PCBP3: variants seen among roughly 807,000 people sequenced by gnomAD.
The protein encoded by PCBP3 is poly(rC) binding protein 3.
Under a neutral mutation model 52.7 loss-of-function variants are expected in PCBP3, and 25 were observed. That is an observed-to-expected ratio of 0.47 (90% confidence interval 0.35 to 0.66). The LOEUF (loss-of-function observed/expected upper bound fraction) is 0.66. Among genes scored for constraint, PCBP3 ranks in the 30% least tolerant of loss-of-function variants. PCBP3 has a pLI of 0.01. For synonymous variants in PCBP3, 162 were observed against 183.0 expected (o/e 0.89, Z 0.93); for missense variants, 391 against 490.3 (o/e 0.80, Z 1.91).
intron 5 of PCBP3, among the ~76,000 whole-genome samples, chr21:45,894,221 G>A (rs1009148101): frequency 5.3e-5 from 8 of 152,294 alleles, no homozygotes; most frequent in Non-Finnish European, 7.4e-5. Flanking sequence ...GCTGCAGCTC[G>A]CTGGCCTGTG....
At position 45,830,514 on chromosome 21, in the gene PCBP3, G is replaced by C. The variant is rs2147724849; in HGVS notation, c.-125-19447G>C. 1 of 152,530 alleles carries C rather than the reference G, an allele frequency of 6.6e-6. No homozygotes were observed. The highest frequency in any genetic ancestry group is 1.5e-5 in the Non-Finnish European group (1 of 68,148). 9.4% of individuals were successfully genotyped at this position (152,530 alleles called of 1,614,324 possible). ...AGGCCACTGACGCGGGAGCCCTGCT[G>C]TGGGGGGTGTGTGCGCATGCTCAGC... On this transcript the variant is annotated intron_variant, in intron 4 of 17. Coordinates refer to ENST00000681687, the MANE Select transcript of PCBP3 (RefSeq NM_001384156.1). This position sits in a 1 kb window ranked among gnomAD's most constrained non-coding sequence, Gnocchi z 4.4.
intron 5 of PCBP3, among the ~76,000 whole-genome samples, chr21:45,888,529 G>T (rs887161130): frequency 6.6e-6 from 1 of 152,138 alleles, no homozygotes; most frequent in Non-Finnish European, 1.5e-5. Context: ...ACACGCCACC[G>T]CACACAGCAC....
chr21:45,723,132 AC>A (rs1373585406), intron 2 of PCBP3, among the ~76,000 whole-genome samples: 1 of 152,068 alleles, frequency 6.6e-6, no homozygotes, highest in African/African-American at 2.4e-5. Context: ...TGTTTTTTGC[AC>A]TTTTCTGTTC....
chr21:45,683,108 T>TA (rs2081950447), intron 2 of PCBP3, among the ~76,000 whole-genome samples: 1 of 151,994 alleles, frequency 6.6e-6, no homozygotes, highest in Non-Finnish European at 1.5e-5. Context: ...AGAAGCCAAG[T>TA]AAAAAAAGTA....
intron 15 of PCBP3, 32 bp downstream of exon 15, chr21:45,930,877 G>A (rs766110130): frequency 1.9e-6 from 3 of 1,612,250 alleles, no homozygotes; most frequent in East Asian, 2.2e-5. Flanking sequence ...AGGAGAACAG[G>A]CCAGGGCAGC....
chr21:45,869,539 GCTGCTC>G (rs1003211107), intron 5 of PCBP3, among the ~76,000 whole-genome samples: 5 of 152,154 alleles, frequency 3.3e-5, no homozygotes, highest in East Asian at 1.9e-4. Flanking sequence ...TGGGGTGACC[GCTGCTC>G]CTGCTCCTGC....
chr21:45,910,799 A>G (rs2096372835), intron 10 of PCBP3, 103 bp from the exon 11 acceptor site: 2 of 1,200,392 alleles, frequency 1.7e-6, no homozygotes, highest in Non-Finnish European at 2.3e-6. Flanking sequence ...GCAGGTTTCC[A>G]AGGAAGTGTC....
chr21:45,705,143 A>C (rs2083372835), intron 2 of PCBP3, among the ~76,000 whole-genome samples: 2 of 152,180 alleles, frequency 1.3e-5, no homozygotes, highest in Non-Finnish European at 2.9e-5. Flanking sequence ...GTGTGGATGC[A>C]TCCTCTGAGT....
At chr21:45,907,344 G>A (rs1047959908) in intron 9 of PCBP3, among the ~76,000 whole-genome samples, 4 of 152,300 alleles carry the variant, frequency 2.6e-5, no homozygotes, top group Non-Finnish European at 2.9e-5. Context: ...TTCTGCGTTC[G>A]AGTGGGGTTT....
At chr21:45,761,225 C>T (rs547832920) in intron 4 of PCBP3, 1 of 152,354 alleles carries the variant, frequency 6.6e-6, no homozygotes, top group Non-Finnish European at 1.5e-5. Context: ...TGGGTCCTTT[C>T]ACTCTGAAGA....
intron 2 of PCBP3, among the ~76,000 whole-genome samples, chr21:45,725,035 G>GT (rs911654291): frequency 1.1e-4 from 17 of 151,028 alleles, no homozygotes; most frequent in East Asian, 3.9e-4. Flanking sequence ...TTTTGCTTGG[G>GT]TTTTTTTTTG....
intron 4 of PCBP3, among the ~76,000 whole-genome samples, chr21:45,809,901 G>A (rs1247189590): frequency 6.6e-6 from 1 of 152,210 alleles, no homozygotes; most frequent in African/African-American, 2.4e-5. Context: ...CATCACCCCT[G>A]TGATTATGCC....
chr21:45,925,591 A>G (rs1230306459), intron 13 of PCBP3, among the ~76,000 whole-genome samples: 1 of 152,090 alleles, frequency 6.6e-6, no homozygotes, highest in Non-Finnish European at 1.5e-5. Context: ...TTTTTCTTTC[A>G]AGAGACACAC....
intron 5 of PCBP3, among the ~76,000 whole-genome samples, chr21:45,875,948 T>C (rs909995115): frequency 2.6e-5 from 4 of 152,166 alleles, no homozygotes; most frequent in African/African-American, 7.2e-5. Context: ...TTGCAGACAA[T>C]GGCTGTGCCC....
chr21:45,818,356 T>A (rs544491339), intron 4 of PCBP3, among the ~76,000 whole-genome samples: 1 of 152,160 alleles, frequency 6.6e-6, no homozygotes, highest in Non-Finnish European at 1.5e-5. Flanking sequence ...ATAGTTTGCA[T>A]TGGGGCTCAC....
chr21:45,834,511 C>A (rs929757457), intron 4 of PCBP3, among the ~76,000 whole-genome samples: 1 of 152,204 alleles, frequency 6.6e-6, no homozygotes, highest in Non-Finnish European at 1.5e-5. Flanking sequence ...CATAGCTTGT[C>A]CCCGTGCCCG....
chr21:45,717,922 A>T (rs1211707569), intron 2 of PCBP3, among the ~76,000 whole-genome samples: 1 of 152,096 alleles, frequency 6.6e-6, no homozygotes, highest in Non-Finnish European at 1.5e-5. Context: ...TTCTTACTTA[A>T]ATGTTTGGCA....
chr21:45,838,178 A>G (rs1247500503), intron 4 of PCBP3, among the ~76,000 whole-genome samples: 1 of 152,182 alleles, frequency 6.6e-6, no homozygotes, highest in Non-Finnish European at 1.5e-5. Flanking sequence ...ATCATTGTTA[A>G]CTGGTGGATG....
rs929780417 is a variant in PCBP3 at position 45,735,320 on chromosome 21, T to G, written c.-199-72T>G. 6.6e-6 allele frequency: 1 copy of G among 152,220 alleles called. No homozygotes were observed. The highest frequency in any genetic ancestry group is 2.1e-4 in the South Asian group (1 of 4,830). 9.4% of individuals were successfully genotyped at this position (152,220 alleles called of 1,614,324 possible). A position where few individuals can be genotyped will look rare whatever the true frequency, so the allele number is the denominator to read the frequency against. On this transcript the variant is annotated intron_variant, in intron 2 of 17. Transcript: ENST00000681687. This position sits in a 1 kb window ranked among gnomAD's most constrained non-coding sequence, Gnocchi z 4.0. ...AAATTTGGTATCTAAGGTGATAGATTGTGATTTCTGTCTCTCTTTGGAAAG... is the reference window on the plus strand; with the variant it reads ...AAATTTGGTATCTAAGGTGATAGATGGTGATTTCTGTCTCTCTTTGGAAAG...
Sources: allele counts gnomAD v4.1 joint callset (sites outside exome capture counted in the v4.1 genomes callset), GRCh38; gene constraint gnomAD v4.1.1; non-coding constraint Gnocchi (gnomAD v3.1); transcripts MANE v1.5; gene names NCBI Gene and HGNC (gene_info 2026-07-23, HGNC 2026-07-21).